ERBB4: variants seen among roughly 807,000 people sequenced by gnomAD.
ERBB4 encodes receptor tyrosine-protein kinase erbB-4.
In ERBB4, 42 loss-of-function variants were observed where a neutral mutation model predicts 158.0. That is an observed-to-expected ratio of 0.27 (90% confidence interval 0.21 to 0.34). The LOEUF (loss-of-function observed/expected upper bound fraction) is 0.34. ERBB4 is among the 10% of genes least tolerant of loss of function. ERBB4 has a pLI of 1.00. For synonymous variants in ERBB4, 583 were observed against 558.7 expected (o/e 1.04, Z -0.61); for missense variants, 1,333 against 1,624.1 (o/e 0.82, Z 3.08).
rs113452919 is a variant in ERBB4, at chr2:212,076,737, C to T, written c.234+48015G>A. On this transcript the variant is annotated intron_variant, in intron 2 of 27. Transcript: ENST00000342788. ...AGGGTCCCCTATGTTAAAAAGCCACCGACACAAAACTGCTTGAAGAATGGC... is the reference window on the plus strand; with the variant it reads ...AGGGTCCCCTATGTTAAAAAGCCACTGACACAAAACTGCTTGAAGAATGGC... 4.3e-3 allele frequency among the ~76,000 whole-genome samples: 655 copies of T among 151,698 alleles called. 1 individual carries two copies. The highest frequency in any genetic ancestry group is 7.5e-3 in the Non-Finnish European group (510 of 67,842).
intron 20 of ERBB4, among the ~76,000 whole-genome samples, chr2:211,495,467 T>A (rs1036800024): frequency 2.6e-5 from 4 of 152,136 alleles, no homozygotes; most frequent in African/African-American, 9.6e-5. Flanking sequence ...TTTTCTCCTA[T>A]CTGCAACACT....
At chr2:212,507,810 G>A (rs1691278591) in intron 1 of ERBB4, among the ~76,000 whole-genome samples, 1 of 152,186 alleles carries the variant, frequency 6.6e-6, no homozygotes, top group African/African-American at 2.4e-5. Flanking sequence ...GACAACGAAA[G>A]ATTTACAATA....
chr2:211,591,858 G>A (rs998564852), intron 19 of ERBB4, among the ~76,000 whole-genome samples: 1 of 152,136 alleles, frequency 6.6e-6, no homozygotes, highest in South Asian at 2.1e-4. Flanking sequence ...GATTTAAGCC[G>A]AGTCTCAGTT....
chr2:211,561,863 C>A, intron 20 of ERBB4, 40 bp downstream of exon 20: 1 of 1,553,038 alleles, frequency 6.4e-7, no homozygotes, highest in South Asian at 1.1e-5. Flanking sequence ...GAAATATTAA[C>A]CTAAAAATGT....
rs1559207148 is a variant in ERBB4, at chr2:211,477,313, T to TCTC, written c.2488-46214_2488-46213insGAG. On this transcript the variant is annotated intron_variant, in intron 20 of 27. Coordinates refer to ENST00000342788, the MANE Select transcript of ERBB4 (RefSeq NM_005235.3). ...TTCCTTAAAATCTCTCTCTCTCTCTTTCTCTCTCTCTCTCTCCTACACATA... is the reference window on the plus strand; with the variant it reads ...TTCCTTAAAATCTCTCTCTCTCTCTTCTCTCTCTCTCTCTCTCTCCTACACATA... Among the ~76,000 whole-genome samples, 85 of 144,240 alleles carry TCTC rather than the reference T, an allele frequency of 5.9e-4. 1 individual carries two copies. The Middle Eastern group carries it at 0.014, about 24-fold the overall frequency. 94.6% of individuals were successfully genotyped at this position (144,240 alleles called of 152,430 possible).
At chr2:211,643,718 G>A (rs1574913596) in intron 16 of ERBB4, among the ~76,000 whole-genome samples, 2 of 151,834 alleles carry the variant, frequency 1.3e-5, no homozygotes, top group Admixed American at 6.6e-5. Context: ...TAGGCTTTAC[G>A]TGTATCAGAC....
intron 19 of ERBB4, 22 bp downstream of exon 19, chr2:211,619,155 T>C (rs1344056455): frequency 2.1e-6 from 3 of 1,418,422 alleles, no homozygotes; most frequent in African/African-American, 1.4e-5. Flanking sequence ...AAAAATGTGA[T>C]TGCCTGGGTG....
intron 2 of ERBB4, among the ~76,000 whole-genome samples, chr2:212,101,233 T>C (rs1282277873): frequency 6.6e-6 from 1 of 151,774 alleles, no homozygotes; most frequent in African/African-American, 2.4e-5. Flanking sequence ...GTGTAGCACA[T>C]GGCGGATAAT....
intron 3 of ERBB4, among the ~76,000 whole-genome samples, chr2:211,820,533 T>C (rs1009076262): frequency 3.3e-5 from 5 of 151,874 alleles, no homozygotes; most frequent in Non-Finnish European, 7.4e-5. Context: ...ACCAATTCTT[T>C]TCTAACTATT....
chr2:211,791,478 A>G (rs111316653), intron 3 of ERBB4, among the ~76,000 whole-genome samples: 2 of 151,916 alleles, frequency 1.3e-5, no homozygotes, highest in African/African-American at 2.4e-5. Context: ...TTGATACTCA[A>G]AGAAAGATGC....
Position 211,375,838 on chromosome 2 carries a change from G to C in ERBB4, c.*7777C>G, listed in dbSNP as rs1262413833. On this transcript the variant is annotated 3_prime_UTR_variant, in exon 28 of 28. Coordinates refer to ENST00000342788, the MANE Select transcript of ERBB4 (RefSeq NM_005235.3). ...TTGTTCAGCTGGGATGATCAGTATGGAATGAGGCAAAGCAGTTCGCATTCT... is the reference window on the plus strand; with the variant it reads ...TTGTTCAGCTGGGATGATCAGTATGCAATGAGGCAAAGCAGTTCGCATTCT... 2 of 232,584 alleles carry C rather than the reference G, an allele frequency of 8.6e-6. No homozygotes were observed. Among genetic ancestry groups the C allele is most frequent in the African/African-American group, 4.4e-5 (2 of 45,268 alleles). 14.4% of individuals were successfully genotyped at this position (232,584 alleles called of 1,614,324 possible). A position where few individuals can be genotyped will look rare whatever the true frequency, so the allele number is the denominator to read the frequency against.
In ERBB4 at chr2:211,701,928, T is replaced by G. The variant is rs369863807; in HGVS notation, c.1489+39A>C. On this transcript the variant is annotated intron_variant, in intron 12 of 27. Coordinates refer to ENST00000342788, the MANE Select transcript of ERBB4 (RefSeq NM_005235.3). ...GTCCAAAGAAGAATGGGAAAAAATT[T>G]AAGTTTCTATGTTTTAAATGTCTGA... is the stretch of plus-strand genomic sequence containing the variant. The G allele has an allele frequency of 3.1e-5, 46 of 1,486,170 alleles. No individual in the cohort carries two copies. The African/African-American group carries it at 3.9e-4, about 12-fold the overall frequency. The allele number at this position is 1,486,170 out of a possible 1,614,324, so 92.1% of individuals were successfully genotyped here. A position where few individuals can be genotyped will look rare whatever the true frequency, so the allele number is the denominator to read the frequency against.
intron 3 of ERBB4, among the ~76,000 whole-genome samples, chr2:211,825,745 A>T (rs1474666291): frequency 6.8e-6 from 1 of 148,140 alleles, no homozygotes; most frequent in African/African-American, 2.5e-5. Flanking sequence ...GTAGAAATGT[A>T]ATATATTTGT....
chr2:212,272,671 A>G (rs568560006), intron 1 of ERBB4, among the ~76,000 whole-genome samples: 8 of 151,956 alleles, frequency 5.3e-5, no homozygotes, highest in African/African-American at 1.9e-4. Context: ...AGTAATTGCC[A>G]TGAGCCATAC....
At chr2:211,806,349 T>C (rs537088009) in intron 3 of ERBB4, among the ~76,000 whole-genome samples, 3 of 152,268 alleles carry the variant, frequency 2.0e-5, no homozygotes, top group African/African-American at 7.2e-5. Flanking sequence ...TAAGTGAAAT[T>C]CTTTTTAACT....
chr2:211,894,248 C>T (rs1173875314), intron 3 of ERBB4, among the ~76,000 whole-genome samples: 5 of 143,716 alleles, frequency 3.5e-5, no homozygotes, highest in Admixed American at 2.8e-4. Context: ...ATGATGAGTT[C>T]GTGTCCTTTG....
At chr2:211,638,448 AC>A (rs1209006476) in intron 16 of ERBB4, among the ~76,000 whole-genome samples, 2 of 152,142 alleles carry the variant, frequency 1.3e-5, no homozygotes, top group Non-Finnish European at 2.9e-5. Context: ...TAAACATGAC[AC>A]ATCTTTTCTT....
intron 20 of ERBB4, among the ~76,000 whole-genome samples, chr2:211,449,081 C>T (rs939917321): frequency 6.6e-6 from 1 of 151,956 alleles, no homozygotes; most frequent in African/African-American, 2.4e-5. Context: ...CTGATTAGTA[C>T]CCAATAGTGT....
At chr2:211,455,576 G>T (rs906622876) in intron 20 of ERBB4, among the ~76,000 whole-genome samples, 1 of 152,148 alleles carries the variant, frequency 6.6e-6, no homozygotes, top group African/African-American at 2.4e-5. Context: ...CTCATAATTT[G>T]GGAGTGCAAA....
Sources: allele counts gnomAD v4.1 joint callset (sites outside exome capture counted in the v4.1 genomes callset), GRCh38; gene constraint gnomAD v4.1.1; transcripts MANE v1.5; gene names NCBI Gene and HGNC (gene_info 2026-07-23, HGNC 2026-07-21).